The following FGF10 variants were observed in gnomAD, a reference collection of about 807,000 sequenced individuals.
FGF10 encodes fibroblast growth factor 10.
In FGF10, 2 loss-of-function variants were observed where a neutral mutation model predicts 19.8. The ratio of observed to expected loss-of-function variants is 0.10; its 90% CI spans 0.04 to 0.32. The LOEUF (loss-of-function observed/expected upper bound fraction) is 0.32. Ranked by LOEUF, FGF10 falls within the 10% of genes least tolerant of loss-of-function variation. FGF10 has a pLI of 1.00. For synonymous variants in FGF10, 112 were observed against 94.0 expected (o/e 1.19, Z -1.10); for missense variants, 191 against 246.3 (o/e 0.78, Z 1.50).
chr5:44,343,029 T>C (rs2111794883), intron 1 of FGF10, among the ~76,000 whole-genome samples: 1 of 152,078 alleles, frequency 6.6e-6, no homozygotes, highest in Non-Finnish European at 1.5e-5. Context: ...CAGATTCAAA[T>C]AGAGGTGGGT....
chr5:44,348,180 G>T (rs1741130427), intron 1 of FGF10, among the ~76,000 whole-genome samples: 1 of 151,614 alleles, frequency 6.6e-6, no homozygotes, highest in African/African-American at 2.4e-5. Flanking sequence ...TTTTTTAAAA[G>T]AAATGTCTCA....
chr5:44,351,172 G>A (rs911933934), intron 1 of FGF10, among the ~76,000 whole-genome samples: 1 of 151,370 alleles, frequency 6.6e-6, no homozygotes, highest in Non-Finnish European at 1.5e-5. Flanking sequence ...GCTAATCTAT[G>A]GCAGAATTTC....
At chr5:44,315,776 C>A (rs1467933065) in intron 1 of FGF10, among the ~76,000 whole-genome samples, 2 of 152,126 alleles carry the variant, frequency 1.3e-5, no homozygotes, top group African/African-American at 4.8e-5. Context: ...TATCCTAGCA[C>A]AGAAGGACTT....
At chr5:44,320,974 G>T (rs757104864) in intron 1 of FGF10, among the ~76,000 whole-genome samples, 2 of 151,386 alleles carry the variant, frequency 1.3e-5, no homozygotes, top group Non-Finnish European at 2.9e-5. Flanking sequence ...GCCTCCCAAA[G>T]TGCCAGTCCA....
chr5:44,335,741 C>A (rs1332396314), intron 1 of FGF10, among the ~76,000 whole-genome samples: 1 of 151,980 alleles, frequency 6.6e-6, no homozygotes, highest in East Asian at 1.9e-4. Context: ...ATTGACTATA[C>A]AGATTGGGAA....
intron 1 of FGF10, among the ~76,000 whole-genome samples, chr5:44,336,013 C>A (rs2111773956): frequency 6.6e-6 from 1 of 151,992 alleles, no homozygotes; most frequent in African/African-American, 2.4e-5. Context: ...AAAATATGTA[C>A]CATTTGAATC....
chr5:44,340,539 G>T (rs1740946663), intron 1 of FGF10, among the ~76,000 whole-genome samples: 2 of 152,036 alleles, frequency 1.3e-5, no homozygotes, highest in Non-Finnish European at 1.5e-5. Flanking sequence ...TTTCTTTGTT[G>T]TGATGGCTAC....
chr5:44,338,488 C>T (rs1163704334), intron 1 of FGF10, among the ~76,000 whole-genome samples: 2 of 152,036 alleles, frequency 1.3e-5, no homozygotes, highest in Non-Finnish European at 2.9e-5. Context: ...GAGATAAATG[C>T]CATATCTACA....
intron 1 of FGF10, among the ~76,000 whole-genome samples, chr5:44,317,519 C>T (rs577400395): frequency 6.6e-6 from 1 of 152,048 alleles, no homozygotes; most frequent in Non-Finnish European, 1.5e-5. Flanking sequence ...CAGAAACTTA[C>T]AATGCAATAT....
chr5:44,374,698 C>T (rs1367839370), intron 1 of FGF10, among the ~76,000 whole-genome samples: 1 of 152,080 alleles, frequency 6.6e-6, no homozygotes, highest in African/African-American at 2.4e-5. Flanking sequence ...AAGAATTGCT[C>T]ATTTTTTAAT....
At chr5:44,381,105 C>G (rs908534582) in intron 1 of FGF10, among the ~76,000 whole-genome samples, 4 of 151,786 alleles carry the variant, frequency 2.6e-5, no homozygotes, top group Admixed American at 2.0e-4. Flanking sequence ...AAAAATTTAA[C>G]TTGGAGGAAA....
intron 1 of FGF10, among the ~76,000 whole-genome samples, chr5:44,337,629 A>G (rs1223104055): frequency 6.6e-6 from 1 of 152,196 alleles, no homozygotes; most frequent in Non-Finnish European, 1.5e-5. Context: ...GAGATGCCAA[A>G]AACAGATTTG....
chr5:44,307,231 C>G (rs1330390963), intron 2 of FGF10, among the ~76,000 whole-genome samples: 3 of 152,092 alleles, frequency 2.0e-5, no homozygotes, highest in Admixed American at 6.6e-5. Flanking sequence ...TACCAAATCT[C>G]TAGAGGAGGG....
intron 1 of FGF10, among the ~76,000 whole-genome samples, chr5:44,358,796 T>G (rs1741409497): frequency 6.6e-6 from 1 of 151,414 alleles, no homozygotes; most frequent in Non-Finnish European, 1.5e-5. Flanking sequence ...GCATATTACC[T>G]CCGCACATCA....
chr5:44,358,989 A>C (rs1741414815), intron 1 of FGF10, among the ~76,000 whole-genome samples: 1 of 151,506 alleles, frequency 6.6e-6, no homozygotes, highest in African/African-American at 2.4e-5. Context: ...TTTGTGGTAC[A>C]TTTGTTCTCT....
chr5:44,316,741 G>A (rs1209304343), intron 1 of FGF10, among the ~76,000 whole-genome samples: 1 of 152,142 alleles, frequency 6.6e-6, no homozygotes, highest in Admixed American at 6.6e-5. Context: ...TTTTGAACAG[G>A]TATGGGATTT....
chr5:44,331,896 T>A (rs1035401350), intron 1 of FGF10, among the ~76,000 whole-genome samples: 12 of 152,064 alleles, frequency 7.9e-5, no homozygotes, highest in Non-Finnish European at 1.5e-4. Flanking sequence ...TTGGTTGATA[T>A]TTAATGTGGA....
chr5:44,389,209 G>T lies in FGF10; in HGVS notation c.-527C>A. The T allele has an allele frequency of 5.8e-6, 1 of 171,648 alleles. No individual in the cohort carries two copies. The highest frequency in any genetic ancestry group is 1.4e-4 in the South Asian group (1 of 6,972). 10.6% of individuals were successfully genotyped at this position (171,648 alleles called of 1,614,324 possible). A position where few individuals can be genotyped will look rare whatever the true frequency, so the allele number is the denominator to read the frequency against. ...CCACTTCTACAAGTATATCCCTTTG[G>T]AGTTGTCAGAAGTGGAGGCAGCTGC... On this transcript the variant is annotated 5_prime_UTR_variant, in exon 1 of 3. Transcript: ENST00000264664.
At chr5:44,354,212 A>G (rs976751494) in intron 1 of FGF10, among the ~76,000 whole-genome samples, 47 of 151,486 alleles carry the variant, frequency 3.1e-4, no homozygotes, top group Admixed American at 7.3e-4. Flanking sequence ...AAACTCTTAA[A>G]TAGAAAGTAG....
Sources: gnomAD v4.1 joint callset for allele counts (sites outside exome capture counted in the v4.1 genomes callset) on GRCh38, gnomAD v4.1.1 for gene constraint, MANE v1.5 for transcripts, NCBI Gene and HGNC (gene_info 2026-07-23, HGNC 2026-07-21) for gene names.